The following CA13 variants were observed in gnomAD, a reference collection of about 807,000 sequenced individuals.
CA13 encodes the protein CA-XIII.
Under a neutral mutation model 31.5 loss-of-function variants are expected in CA13, and 21 were observed. The observed-to-expected ratio is 0.67, with a 90% CI of 0.47 to 0.96. CA13 has a LOEUF of 0.96. Ranked by LOEUF, CA13 falls within the 40% of genes least tolerant of loss-of-function variation. The probability of loss-of-function intolerance (pLI) is 0.00; values close to 1 mark genes in which losing one functional copy is unlikely to be tolerated. For missense variants in CA13, 315 were observed against 318.9 expected, an observed-to-expected ratio of 0.99 and a Z score of 0.09; for synonymous variants, 117 against 111.4, an observed-to-expected ratio of 1.05 and a Z score of -0.32.
intron 3 of CA13, among the ~76,000 whole-genome samples, chr8:85,265,986 C>T (rs940287915): frequency 6.6e-6 from 1 of 152,130 alleles, no homozygotes; most frequent in Non-Finnish European, 1.5e-5. Flanking sequence ...TCCTGGAAAA[C>T]CTACTGTGTC....
chr8:85,260,825 G>A (rs1474839703), intron 3 of CA13, among the ~76,000 whole-genome samples: 4 of 152,160 alleles, frequency 2.6e-5, no homozygotes, highest in African/African-American at 4.8e-5. Context: ...TGTCCAAAGC[G>A]CCCTCGGAAC....
intron 6 of CA13, among the ~76,000 whole-genome samples, chr8:85,274,245 C>T (rs1030076820): frequency 1.3e-5 from 2 of 152,130 alleles, no homozygotes; most frequent in East Asian, 1.9e-4. Context: ...GTGGCGTGAG[C>T]ACCTTGGAAA....
At chr8:85,250,419 A>G (rs944450272) in intron 1 of CA13, among the ~76,000 whole-genome samples, 1 of 152,366 alleles carries the variant, frequency 6.6e-6, no homozygotes, top group South Asian at 2.1e-4. Flanking sequence ...ATTGTTTTCA[A>G]TGATGAGTTG....
chr8:85,249,494 CAA>C (rs375419895), intron 1 of CA13, among the ~76,000 whole-genome samples: 33 of 127,668 alleles, frequency 2.6e-4, no homozygotes, highest in Admixed American at 3.3e-4. Context: ...GACCCTGTCT[CAA>C]AAAAAAAAAA....
At chr8:85,254,772 G>GTTTTTTTTTTTTTTTTTTTT (rs10658651) in intron 2 of CA13, among the ~76,000 whole-genome samples, 1 of 122,652 alleles carries the variant, frequency 8.2e-6, no homozygotes, top group Non-Finnish European at 1.7e-5. Flanking sequence ...AGTTAAACAA[G>GTTTTTTTTTTTTTTTTTTTT]TTTTTTTTTT....
In CA13 at chr8:85,268,366, C is replaced by A. The variant is rs1001249528; in HGVS notation, c.514-106C>A. The stretch of plus-strand genomic sequence containing the variant: ...TTACATAATTCTAGATGCAGATATT[C>A]TGTATTGTTTATGGAATTATAATGG... On this transcript the variant is annotated intron_variant, in intron 5 of 6. Coordinates refer to ENST00000321764, the MANE Select transcript of CA13 (RefSeq NM_198584.3). 3.2e-6 allele frequency: 3 copies of A among 950,766 alleles called. No individual in the cohort carries two copies. In the African/African-American group the frequency reaches 4.9e-5, roughly 16 times the overall value. The allele number at this position is 950,766 out of a possible 1,614,324, so 58.9% of individuals were successfully genotyped here.
intron 6 of CA13, among the ~76,000 whole-genome samples, chr8:85,274,096 G>A (rs1278467776): frequency 5.3e-5 from 8 of 152,064 alleles, no homozygotes; most frequent in Non-Finnish European, 1.0e-4. Context: ...TGTGCCTTGG[G>A]ACTGAGCCTG....
intron 2 of CA13, among the ~76,000 whole-genome samples, chr8:85,258,759 CAAAAAAAAAAAAAAA>C (rs33933991): frequency 6.9e-5 from 3 of 43,480 alleles, no homozygotes; most frequent in South Asian, 1.7e-3. Context: ...CCTGTCTCTA[CAAAAAAAAAAAAAAA>C]AAAAAAAAAA....
intron 6 of CA13, among the ~76,000 whole-genome samples, chr8:85,273,079 A>G (rs1340121430): frequency 1.3e-5 from 2 of 152,228 alleles, no homozygotes. Context: ...TGGCCTCCCA[A>G]AATCCTGGGA....
At chr8:85,266,541 A>T in intron 3 of CA13, 67 bp from the exon 4 acceptor site, 1 of 1,201,674 alleles carries the variant, frequency 8.3e-7, no homozygotes, top group Non-Finnish European at 1.2e-6. Flanking sequence ...TAAATGTTTT[A>T]TTTGCATTTA....
intron 2 of CA13, among the ~76,000 whole-genome samples, chr8:85,256,653 G>A (rs907602713): frequency 6.6e-6 from 1 of 152,118 alleles, no homozygotes; most frequent in African/African-American, 2.4e-5. Context: ...AAGATAGCTA[G>A]GAAATGAATT....
chr8:85,250,451 A>G (rs1238221496), intron 1 of CA13, among the ~76,000 whole-genome samples: 1 of 151,996 alleles, frequency 6.6e-6, no homozygotes, highest in African/African-American at 2.4e-5. Context: ...TTAGTTTGGT[A>G]GAAGGTTACC....
At chr8:85,278,265 CAA>C (rs1012685036) in intron 6 of CA13, among the ~76,000 whole-genome samples, 10 of 76,954 alleles carry the variant, frequency 1.3e-4, no homozygotes, top group Admixed American at 1.3e-3. Context: ...GACTCTATCT[CAA>C]AAAAAAAAAA....
In CA13 at chr8:85,281,687, A is replaced by AT. The variant is rs575874659; in HGVS notation, c.*350dup. 9,349 of 177,258 alleles carry AT rather than the reference A, an allele frequency of 0.053. 233 individuals carry two copies. Among genetic ancestry groups the AT allele is most frequent in the Non-Finnish European group, 0.064 (5,865 of 92,130 alleles). 11.0% of individuals were successfully genotyped at this position (177,258 alleles called of 1,614,324 possible). ...ACAAGCATGCCTGGCTAATTTTTAA[A>AT]TTTTTTTTTTTTAAGAAATAGGGTC... On this transcript the variant is annotated 3_prime_UTR_variant, in exon 7 of 7. Coordinates refer to ENST00000321764, the MANE Select transcript of CA13 (RefSeq NM_198584.3).
intron 3 of CA13, among the ~76,000 whole-genome samples, chr8:85,264,440 C>CTT (rs531595623): frequency 6.6e-6 from 1 of 150,758 alleles, no homozygotes; most frequent in Non-Finnish European, 1.5e-5. Context: ...TGTGAGTTTG[C>CTT]TTTTTTTTTG....
intron 3 of CA13, among the ~76,000 whole-genome samples, chr8:85,260,662 G>C (rs186099551): frequency 5.6e-4 from 85 of 151,214 alleles, no homozygotes; most frequent in Middle Eastern, 3.4e-3. Context: ...TAAAATGTAC[G>C]TACAAAGTTT....
chr8:85,245,579 C>A lies in CA13; in HGVS notation c.-250C>A. On this transcript the variant is annotated 5_prime_UTR_variant, in exon 1 of 7. Transcript: ENST00000321764. ...GTCTCTCCCTCTAACTCAAATCTCT[C>A]ATTCCCGAGTCCAAACTAAGAGAGA... 1 of 534,238 alleles carries A rather than the reference C, an allele frequency of 1.9e-6. No individual in the cohort carries two copies. Among genetic ancestry groups the A allele is most frequent in the Non-Finnish European group, 3.3e-6 (1 of 302,300 alleles). The allele number at this position is 534,238 out of a possible 1,614,324, so 33.1% of individuals were successfully genotyped here. A position where few individuals can be genotyped will look rare whatever the true frequency, so the allele number is the denominator to read the frequency against.
intron 3 of CA13, among the ~76,000 whole-genome samples, chr8:85,262,581 G>A (rs1587539683): frequency 6.6e-6 from 1 of 152,310 alleles, no homozygotes; most frequent in African/African-American, 2.4e-5. Context: ...ACTGAGGTAA[G>A]TCCTGGTAAG....
intron 2 of CA13, among the ~76,000 whole-genome samples, chr8:85,254,045 G>A (rs1173443931): frequency 6.6e-6 from 1 of 152,024 alleles, no homozygotes; most frequent in Non-Finnish European, 1.5e-5. Flanking sequence ...TTGGGAGGCC[G>A]AGGTGGGCAG....
Sources: gnomAD v4.1 joint callset for allele counts (sites outside exome capture counted in the v4.1 genomes callset) on GRCh38, gnomAD v4.1.1 for gene constraint, MANE v1.5 for transcripts, NCBI Gene and HGNC (gene_info 2026-07-23, HGNC 2026-07-21) for gene names.